EYA2: variants seen among roughly 807,000 people sequenced by gnomAD.
EYA2 encodes protein phosphatase EYA2.
In EYA2, 31 loss-of-function variants were observed where a neutral mutation model predicts 69.2. The observed-to-expected ratio is 0.45, with a 90% CI of 0.34 to 0.60. The LOEUF is 0.60. Ranked by LOEUF, EYA2 falls within the 20% of genes least tolerant of loss-of-function variation. The probability of loss-of-function intolerance (pLI) is 0.02; values close to 1 mark genes in which losing one functional copy is unlikely to be tolerated. For synonymous variants in EYA2, 257 were observed against 279.4 expected (o/e 0.92, Z 0.80); for missense variants, 622 against 701.2 (o/e 0.89, Z 1.28).
chr20:46,935,795 C>T (rs367970897), intron 1 of EYA2, among the ~76,000 whole-genome samples: 8 of 151,646 alleles, frequency 5.3e-5, no homozygotes, highest in African/African-American at 1.9e-4. Context: ...TATTATGTTG[C>T]AATAGTTCGT....
At chr20:46,942,147 C>T (rs1364353961) in intron 1 of EYA2, among the ~76,000 whole-genome samples, 2 of 152,156 alleles carry the variant, frequency 1.3e-5, no homozygotes, top group African/African-American at 2.4e-5. Flanking sequence ...TAGCCCTCCT[C>T]ACCAAGGAGT....
At chr20:46,949,632 G>A (rs896534057) in intron 1 of EYA2, among the ~76,000 whole-genome samples, 1 of 152,142 alleles carries the variant, frequency 6.6e-6, no homozygotes, top group Admixed American at 6.5e-5. Flanking sequence ...CTAGATGGTG[G>A]GGTAACTGAG....
intron 9 of EYA2, among the ~76,000 whole-genome samples, chr20:47,134,478 C>A (rs1433082359): frequency 6.6e-6 from 1 of 152,154 alleles, no homozygotes; most frequent in Non-Finnish European, 1.5e-5. Flanking sequence ...ATGTTCCAGG[C>A]ATGGTTTTAA....
chr20:47,187,104 C>T (rs1422281453), intron 15 of EYA2, among the ~76,000 whole-genome samples: 2 of 152,052 alleles, frequency 1.3e-5, no homozygotes, highest in Admixed American at 6.6e-5. Context: ...CACAATGGCT[C>T]ATGCCTGTAA....
intron 5 of EYA2, among the ~76,000 whole-genome samples, chr20:47,062,756 G>A (rs1320317660): frequency 2.6e-5 from 4 of 152,124 alleles, no homozygotes; most frequent in Admixed American, 2.0e-4. Flanking sequence ...CCTGGTTAAC[G>A]TTGAGTCATA....
intron 12 of EYA2, among the ~76,000 whole-genome samples, chr20:47,173,512 A>AAAAAG (rs1398611832): frequency 1.3e-5 from 2 of 148,810 alleles, no homozygotes; most frequent in African/African-American, 5.0e-5. Context: ...GACCCCGTAA[A>AAAAAG]AAAAAAAAAA....
intron 1 of EYA2, among the ~76,000 whole-genome samples, chr20:46,958,604 A>C (rs1025759477): frequency 2.0e-5 from 3 of 152,174 alleles, no homozygotes; most frequent in African/African-American, 7.2e-5. Context: ...TTCTATAGGC[A>C]AACTTGCGTC....
rs762071675 is a variant in EYA2 at position 47,172,826 on chromosome 20, G to A, written c.1157G>A (p.Arg386Gln). Residue 386 changes from arginine (R) to glutamine (Q), a missense_variant, in exon 12 of 16, where the codon CGG becomes CAG. Around this residue, in one of 2 missense-constraint regions of EYA2, gnomAD observed 257 missense variants for 351.5 expected, o/e 0.73. Transcript: ENST00000327619. ...WMRKLAFRYR[R>Q]VKEMYNTYKN... ...AGGAAGCTGGCCTTCCGCTACCGGC[G>A]GGTGAAGGAGATGTACAATACCTAC... 1.5e-5 allele frequency: 25 copies of A among 1,613,928 alleles called. No individual in the cohort carries two copies. The highest frequency in any genetic ancestry group is 3.3e-5 in the South Asian group (3 of 91,046).
chr20:47,072,205 G>A lies in EYA2; in HGVS notation c.436G>A (p.Gly146Arg). 2 of 1,613,240 alleles carry A rather than the reference G, an allele frequency of 1.2e-6. No individual in the cohort carries two copies. Among genetic ancestry groups the A allele is most frequent in the East Asian group, 4.5e-5 (2 of 44,864 alleles). ...CACAGGCACAACAGGGTTCTATCAA[G>A]GAGGAAATGGACTGGGCAACGCAGC... Reference protein sequence around the residue: ...QMHGTTGFYQGGNGLGNAAGF... With the variant: ...QMHGTTGFYQRGNGLGNAAGF... The change falls in exon 6 of 16, where the codon GGA becomes AGA. Residue 146 changes from glycine (G) to arginine (R), a missense_variant. Gly to Arg is a moderately radical substitution (Grantham distance 125). This residue lies in a region of EYA2 where 365 missense variants were observed against 349.7 expected (regional missense o/e 1.04). Transcript: ENST00000327619.
At chr20:47,111,957 C>T (rs1228516185) in intron 9 of EYA2, among the ~76,000 whole-genome samples, 2 of 151,768 alleles carry the variant, frequency 1.3e-5, no homozygotes, top group Admixed American at 1.3e-4. Flanking sequence ...CAGCAAAATC[C>T]CATCTGTACA....
intron 5 of EYA2, among the ~76,000 whole-genome samples, chr20:47,040,941 A>G (rs1305780417): frequency 6.6e-6 from 1 of 152,198 alleles, no homozygotes; most frequent in Non-Finnish European, 1.5e-5. Context: ...GGGCATGCCA[A>G]GGGTTTCACA....
At chr20:47,059,539 C>T (rs1417070049) in intron 5 of EYA2, among the ~76,000 whole-genome samples, 2 of 152,110 alleles carry the variant, frequency 1.3e-5, no homozygotes, top group African/African-American at 4.8e-5. Context: ...TTAGTAGAGA[C>T]GGGGTTTTGC....
chr20:46,966,661 T>G (rs1568692193), intron 1 of EYA2, among the ~76,000 whole-genome samples: 2 of 151,930 alleles, frequency 1.3e-5, no homozygotes, highest in African/African-American at 2.4e-5. Flanking sequence ...ACAAAAAAAA[T>G]TAGCCGGGCA....
chr20:46,896,703 G>A (rs753095059), intron 1 of EYA2, among the ~76,000 whole-genome samples: 2 of 152,094 alleles, frequency 1.3e-5, no homozygotes, highest in African/African-American at 4.8e-5. Flanking sequence ...CCTTGCCTTC[G>A]TAGCAAACTC....
intron 15 of EYA2, among the ~76,000 whole-genome samples, chr20:47,187,839 C>T (rs1184383190): frequency 1.3e-5 from 2 of 152,234 alleles, no homozygotes; most frequent in African/African-American, 4.8e-5. Context: ...CTGGATAAGC[C>T]CGTCAGAGCA....
chr20:46,898,934 T>G (rs2146208073), intron 1 of EYA2, among the ~76,000 whole-genome samples: 1 of 152,350 alleles, frequency 6.6e-6, no homozygotes, highest in Non-Finnish European at 1.5e-5. Flanking sequence ...CCTTTGTCAT[T>G]TCTCTGACTT....
chr20:46,974,896 G>T (rs1980366775), intron 1 of EYA2, among the ~76,000 whole-genome samples: 1 of 152,142 alleles, frequency 6.6e-6, no homozygotes, highest in South Asian at 2.1e-4. Flanking sequence ...CTTTTTGAAG[G>T]TTGCCTTTTG....
At chr20:47,057,516 C>T (rs531984039) in intron 5 of EYA2, among the ~76,000 whole-genome samples, 5 of 150,440 alleles carry the variant, frequency 3.3e-5, no homozygotes, top group Non-Finnish European at 1.5e-5. Context: ...TATCACCCCC[C>T]CCCCCCATCT....
At chr20:46,922,119 T>C (rs1335122037) in intron 1 of EYA2, among the ~76,000 whole-genome samples, 1 of 152,206 alleles carries the variant, frequency 6.6e-6, no homozygotes, top group East Asian at 1.9e-4. Context: ...CCTGTTCTAG[T>C]GCATTTTCCA....
Sources: allele counts gnomAD v4.1 joint callset (sites outside exome capture counted in the v4.1 genomes callset), GRCh38; gene constraint gnomAD v4.1.1; regional missense constraint gnomAD v4.1.1; transcripts MANE v1.5; gene names NCBI Gene and HGNC (gene_info 2026-07-23, HGNC 2026-07-21).